The following LBP variants were observed in gnomAD, a reference collection of about 807,000 sequenced individuals.
The protein encoded by LBP is lipopolysaccharide binding protein, also known as lipopolysaccharide-binding protein.
A neutral mutation model predicts 56.6 loss-of-function variants in LBP; 53 were observed. The observed-to-expected ratio is 0.94, with a 90% confidence interval of 0.75 to 1.18. LBP has a LOEUF of 1.18. Ranked by LOEUF, LBP falls within the 50% of genes most tolerant of loss-of-function variation. The probability of loss-of-function intolerance (pLI) is 0.00; values close to 1 mark genes in which losing one functional copy is unlikely to be tolerated. For synonymous variants in LBP, 227 were observed against 247.5 expected (o/e 0.92, Z 0.78); for missense variants, 601 against 598.3 (o/e 1.00, Z -0.05).
intron 6 of LBP, among the ~76,000 whole-genome samples, chr20:38,361,610 G>T (rs2076860440): frequency 6.6e-6 from 1 of 151,926 alleles, no homozygotes; most frequent in African/African-American, 2.4e-5. Context: ...TCTTTATGTT[G>T]CCCAGGCTGG....
intron 4 of LBP, 37 bp from the exon 5 acceptor site, chr20:38,355,309 C>T: frequency 6.2e-7 from 1 of 1,605,756 alleles, no homozygotes; most frequent in Admixed American, 1.7e-5. Context: ...ACCCGGCCAT[C>T]CCCAAGTTCA....
chr20:38,359,319 G>T (rs11536954), intron 5 of LBP, among the ~76,000 whole-genome samples: 2,746 of 152,198 alleles, frequency 0.018, 97 homozygotes, highest in African/African-American at 0.061. Flanking sequence ...GGTGGCTCAT[G>T]CCTGTAATCC....
intron 1 of LBP, among the ~76,000 whole-genome samples, 191 bp from the exon 2 acceptor site, chr20:38,349,357 G>C (rs1351174236): frequency 1.3e-5 from 2 of 152,198 alleles, no homozygotes; most frequent in Admixed American, 6.5e-5. Context: ...CAATGCCACA[G>C]AAATGCAGGG....
intron 4 of LBP, among the ~76,000 whole-genome samples, chr20:38,354,848 C>A (rs1268599339): frequency 6.6e-6 from 1 of 152,100 alleles, no homozygotes; most frequent in Non-Finnish European, 1.5e-5. Context: ...TTTGAGACGC[C>A]AAGGCAGAAA....
intron 12 of LBP, among the ~76,000 whole-genome samples, chr20:38,372,616 A>T (rs1042057182): frequency 9.8e-5 from 15 of 152,322 alleles, no homozygotes; most frequent in Non-Finnish European, 1.8e-4. Context: ...TGGAATAGGG[A>T]CATTAATATG....
intron 3 of LBP, 136 bp from the exon 4 acceptor site, chr20:38,354,148 T>C: frequency 2.9e-6 from 2 of 678,994 alleles, no homozygotes; most frequent in Non-Finnish European, 4.7e-6. Flanking sequence ...AGATCTTTTA[T>C]GGCTTTATTT....
chr20:38,360,881 G>A (rs1371853139), intron 6 of LBP, 114 bp downstream of exon 6: 1 of 776,904 alleles, frequency 1.3e-6, no homozygotes, highest in Non-Finnish European at 2.0e-6. Context: ...AAAAATTAAG[G>A]GCCAGGCGCA....
At chr20:38,376,291 C>T (rs1238337231) in intron 14 of LBP, among the ~76,000 whole-genome samples, 3 of 152,082 alleles carry the variant, frequency 2.0e-5, no homozygotes, top group African/African-American at 4.8e-5. Flanking sequence ...GTGATGGAAA[C>T]GTAAGAAGAG....
chr20:38,370,158 A>G (rs185158997), intron 10 of LBP, among the ~76,000 whole-genome samples: 82 of 152,224 alleles, frequency 5.4e-4, no homozygotes, highest in African/African-American at 1.9e-3. Context: ...AGAATCACAC[A>G]AGGCCAGGAG....
Position 38,357,336 on chromosome 20 carries a change from G to A in LBP, c.588+1927G>A, listed in dbSNP as rs548814346. Among the ~76,000 whole-genome samples the A allele has an allele frequency of 9.1e-4, 138 of 152,268 alleles. 4 individuals carry two copies. The South Asian group carries it at 0.028, about 31-fold the overall frequency. ...AAGCCCTTCTAGGGCTAGGTGTCTT[G>A]GGAAAGATGGAGATCTCACCTGACC... On this transcript the variant is annotated intron_variant, in intron 5 of 14. Coordinates refer to ENST00000217407, the MANE Select transcript of LBP (RefSeq NM_004139.5).
rs1489957126 is a variant in LBP, at chr20:38,359,757, TA to T, written c.589-944del. Among the ~76,000 whole-genome samples the T allele has an allele frequency of 9.9e-5, 15 of 152,178 alleles. 1 individual carries two copies. Among genetic ancestry groups the T allele is most frequent in the Admixed American group, 9.8e-4 (15 of 15,274 alleles). ...CAAAGTCTATCCCAAGGCTGCATCA[TA>T]AATAATTCGGGTGATTACAGTGGCA... is the stretch of plus-strand genomic sequence containing the variant. On this transcript the variant is annotated intron_variant, in intron 5 of 14. Coordinates refer to ENST00000217407, the MANE Select transcript of LBP (RefSeq NM_004139.5).
At chr20:38,367,477 G>A (rs2076886350) in intron 9 of LBP, among the ~76,000 whole-genome samples, 1 of 152,044 alleles carries the variant, frequency 6.6e-6, no homozygotes, top group African/African-American at 2.4e-5. Flanking sequence ...AAAAATGTTA[G>A]TTTTTGAATG....
rs1568828336 is a variant in LBP at position 38,354,452 on chromosome 20, C to T, written c.524+13C>T. The stretch of plus-strand genomic sequence containing the variant: ...CGGGAGACTTGGGGTAGGTCTCCAT[C>T]GGGGCACTGCCAGCTGGACTCCTGG... On this transcript the variant is annotated intron_variant, in intron 4 of 14. Transcript: ENST00000217407. 20 of 1,600,092 alleles carry T rather than the reference C, an allele frequency of 1.2e-5. No individual in the cohort carries two copies. The highest frequency in any genetic ancestry group is 1.7e-4 in the Middle Eastern group (1 of 5,910).
At position 38,357,624 on chromosome 20, in the gene LBP, T is replaced by G. The variant is rs1054107440; in HGVS notation, c.588+2215T>G. On this transcript the variant is annotated intron_variant, in intron 5 of 14. Transcript: ENST00000217407. The stretch of plus-strand genomic sequence containing the variant: ...ATCTCACGCAAGAAAGAATTTGGGG[T>G]GAGTTCATAAAGTGAAAGCAAGTTT... Among the ~76,000 whole-genome samples, 15 of 152,124 alleles carry G rather than the reference T, an allele frequency of 9.9e-5. No homozygotes were observed. In the South Asian group the frequency reaches 2.7e-3, roughly 27 times the overall value.
At chr20:38,362,343 G>A (rs1175358208) in intron 6 of LBP, among the ~76,000 whole-genome samples, 1 of 144,988 alleles carries the variant, frequency 6.9e-6, no homozygotes, top group Non-Finnish European at 1.5e-5. Flanking sequence ...GCAGGCGTGA[G>A]AGCTCACGCC....
At chr20:38,361,168 G>GA (rs540710354) in intron 6 of LBP, among the ~76,000 whole-genome samples, 335 of 84,626 alleles carry the variant, frequency 4.0e-3, no homozygotes, top group East Asian at 9.3e-3. Context: ...TGTCTCAACA[G>GA]AAAAAAAAAA....
At chr20:38,371,742 C>T (rs546673666) in intron 12 of LBP, among the ~76,000 whole-genome samples, 4 of 152,194 alleles carry the variant, frequency 2.6e-5, no homozygotes, top group Non-Finnish European at 5.9e-5. Context: ...TTTGTGTTAG[C>T]TTCACTCTCA....
At chr20:38,351,533 C>A (rs1455758280) in intron 3 of LBP, among the ~76,000 whole-genome samples, 2 of 152,166 alleles carry the variant, frequency 1.3e-5, no homozygotes, top group African/African-American at 4.8e-5. Context: ...AAGGGGTATT[C>A]ATGTGCTAGG....
intron 6 of LBP, among the ~76,000 whole-genome samples, chr20:38,361,296 TG>T (rs1203718953): frequency 6.6e-6 from 1 of 152,206 alleles, no homozygotes; most frequent in Non-Finnish European, 1.5e-5. Context: ...TATAAATACA[TG>T]TAAGCATATA....
Sources: gnomAD v4.1 joint callset for allele counts (sites outside exome capture counted in the v4.1 genomes callset) on GRCh38, gnomAD v4.1.1 for gene constraint, MANE v1.5 for transcripts, NCBI Gene and HGNC (gene_info 2026-07-23, HGNC 2026-07-21) for gene names.